Variants in OOSP1 observed in about 807,000 individuals in gnomAD.
OOSP1 encodes the protein oocyte secreted protein 1.
In OOSP1, 11 loss-of-function variants were observed where a neutral mutation model predicts 5.7. The ratio of observed to expected loss-of-function variants is 1.94; its 90% CI spans 1.22 to 3.20. OOSP1 has a LOEUF of 3.20. Among genes scored for constraint, OOSP1 ranks in the 30% most tolerant of loss-of-function variants. The pLI is 0.00. For synonymous variants in OOSP1, 44 were observed against 20.0 expected, an observed-to-expected ratio of 2.20 and a Z score of -3.20; for missense variants, 83 against 54.1, an observed-to-expected ratio of 1.53 and a Z score of -1.67.
At position 59,945,852 on chromosome 11, in the gene OOSP1, G is replaced by A. The variant is rs545758682; in HGVS notation, c.356+586G>A. ...TTCTGCAAGCTGTGCAGGAAGCATG[G>A]CTGGGGAGACCTCAGAGTTTTTACT... On this transcript the variant is annotated intron_variant, in intron 3 of 4. Transcript: ENST00000646685. Among the ~76,000 whole-genome samples, 74 of 152,032 alleles carry A rather than the reference G, an allele frequency of 4.9e-4. No individual in the cohort carries two copies. In the South Asian group the frequency reaches 0.015, roughly 30 times the overall value.
At chr11:59,945,057 T>C in intron 2 of OOSP1, 112 bp from the exon 3 acceptor site, 2 of 645,450 alleles carry the variant, frequency 3.1e-6, no homozygotes, top group African/African-American at 1.8e-5. Flanking sequence ...TGAGTGAGAG[T>C]GTGACCATTT....
At chr11:59,946,839 T>A (rs911597928) in intron 3 of OOSP1, among the ~76,000 whole-genome samples, 7 of 151,728 alleles carry the variant, frequency 4.6e-5, no homozygotes, top group South Asian at 4.2e-4. Context: ...TTTTTTTTTT[T>A]TTATTAATTG....
rs74699403 is a variant in OOSP1, at chr11:59,942,860, C to T, written c.90C>T (p.His30=). The T allele has an allele frequency of 5.7e-4, 402 of 702,736 alleles. No individual in the cohort carries two copies. The African/African-American group carries it at 6.4e-3, about 11-fold the overall frequency. 43.5% of individuals were successfully genotyped at this position (702,736 alleles called of 1,614,324 possible). A position where few individuals can be genotyped will look rare whatever the true frequency, so the allele number is the denominator to read the frequency against. The change falls in exon 2 of 5, where the codon CAC becomes CAT. Residue 30 remains histidine (H), a synonymous_variant. Transcript: ENST00000646685. ...CCTGCTTTTCAGCTATTCAAGTACA[C>T]TGCACCCAGTTTTGGTTCTTTGCCA...
intron 4 of OOSP1, among the ~76,000 whole-genome samples, chr11:59,952,812 C>A (rs550053942): frequency 2.0e-5 from 3 of 152,148 alleles, no homozygotes; most frequent in Non-Finnish European, 4.4e-5. Context: ...TGTTTCTTGT[C>A]AAATTTTTAC....
intron 3 of OOSP1, among the ~76,000 whole-genome samples, chr11:59,945,687 C>T (rs1344212349): frequency 7.8e-6 from 1 of 128,944 alleles, no homozygotes; most frequent in Non-Finnish European, 1.6e-5. Context: ...GGAGGCAGAG[C>T]TTGCAGTGAG....
At chr11:59,938,464 A>T in exon 1 of OOSP1, 1 of 625,146 alleles carries the variant, frequency 1.6e-6, no homozygotes. Flanking sequence ...AATGAAGACC[A>T]TTCTGGGGTT....
At chr11:59,953,187 G>T (rs1344794593) in intron 4 of OOSP1, among the ~76,000 whole-genome samples, 1 of 152,032 alleles carries the variant, frequency 6.6e-6, no homozygotes, top group Non-Finnish European at 1.5e-5. Context: ...CTTAGAGCAG[G>T]AGTCCCAGAT....
At chr11:59,945,082 G>A in intron 2 of OOSP1, 87 bp from the exon 3 acceptor site, 5 of 673,132 alleles carry the variant, frequency 7.4e-6, no homozygotes, top group Non-Finnish European at 1.3e-5. Flanking sequence ...AAAGCTTGAT[G>A]TATCTATAAA....
intron 4 of OOSP1, among the ~76,000 whole-genome samples, chr11:59,949,326 A>C (rs1319182215): frequency 6.6e-6 from 1 of 152,118 alleles, no homozygotes; most frequent in Non-Finnish European, 1.5e-5. Context: ...CAGAGTAAGA[A>C]GACAGGGAAT....
intron 1 of OOSP1, among the ~76,000 whole-genome samples, chr11:59,942,509 A>G (rs61903599): frequency 2.5e-3 from 377 of 152,328 alleles, no homozygotes; most frequent in Admixed American, 6.7e-3. Flanking sequence ...AATGCTCTAT[A>G]CTTAGTATAA....
At chr11:59,941,703 T>C (rs1467441619) in intron 1 of OOSP1, among the ~76,000 whole-genome samples, 1 of 152,190 alleles carries the variant, frequency 6.6e-6, no homozygotes, top group Non-Finnish European at 1.5e-5. Flanking sequence ...TATGTGAACA[T>C]ACATTTTTAT....
At chr11:59,957,233 A>T in exon 5 of OOSP1, 2 of 397,994 alleles carry the variant, frequency 5.0e-6, no homozygotes, top group Non-Finnish European at 8.9e-6. Context: ...ATCTGCTAAT[A>T]TTTATCTCAA....
At chr11:59,949,947 A>T (rs1853922714) in intron 4 of OOSP1, among the ~76,000 whole-genome samples, 1 of 152,206 alleles carries the variant, frequency 6.6e-6, no homozygotes, top group African/African-American at 2.4e-5. Context: ...TCCTACTGGC[A>T]TCTGTATAGA....
chr11:59,941,052 A>T (rs1056856583), intron 1 of OOSP1, among the ~76,000 whole-genome samples: 5 of 152,212 alleles, frequency 3.3e-5, no homozygotes, highest in Non-Finnish European at 5.9e-5. Flanking sequence ...CTCCTGAACC[A>T]CTAATGCCAA....
chr11:59,943,332 C>G (rs1396241038), intron 2 of OOSP1, among the ~76,000 whole-genome samples: 2 of 151,826 alleles, frequency 1.3e-5, no homozygotes, highest in Non-Finnish European at 2.9e-5. Flanking sequence ...ACGTTGTGCA[C>G]ACGTACCCTA....
exon 4 of OOSP1, chr11:59,947,749 A>C (rs1853900528): frequency 2.5e-6 from 1 of 398,698 alleles, no homozygotes; most frequent in South Asian, 1.3e-4. Context: ...TCATCTTTTA[A>C]ATGCAGTTGA....
intron 4 of OOSP1, among the ~76,000 whole-genome samples, chr11:59,952,676 T>C (rs891236368): frequency 9.2e-5 from 14 of 152,124 alleles, no homozygotes; most frequent in African/African-American, 2.4e-4. Flanking sequence ...AAACATGACA[T>C]GTTAGGTACA....
intron 3 of OOSP1, among the ~76,000 whole-genome samples, chr11:59,946,697 T>C (rs1853886977): frequency 2.0e-5 from 3 of 152,052 alleles, no homozygotes; most frequent in African/African-American, 7.2e-5. Context: ...CTGAAGGCAA[T>C]AGAGAAAGCA....
chr11:59,944,375 A>T lies in OOSP1; in HGVS notation c.259-794A>T, dbSNP rs542355795. Among the ~76,000 whole-genome samples, 29 of 151,058 alleles carry T rather than the reference A, an allele frequency of 1.9e-4. 1 individual carries two copies. The East Asian group carries it at 5.7e-3, about 30-fold the overall frequency. ...ATAAACTGCGGGGGGGGGGCAGGGA[A>T]TATTCAAATGTTAACTGAATAATCT... On this transcript the variant is annotated intron_variant, in intron 2 of 4. Transcript: ENST00000646685.
Sources: allele counts gnomAD v4.1 joint callset (sites outside exome capture counted in the v4.1 genomes callset), GRCh38; gene constraint gnomAD v4.1.1; transcripts MANE v1.5; gene names NCBI Gene and HGNC (gene_info 2026-07-23, HGNC 2026-07-21).